SCAPER: variants seen among roughly 807,000 people sequenced by gnomAD.
The protein encoded by SCAPER is S-phase cyclin A associated protein in the ER.
In SCAPER, 98 loss-of-function variants were observed where a neutral mutation model predicts 182.2. The ratio of observed to expected loss-of-function variants is 0.54; its 90% CI spans 0.46 to 0.64. SCAPER has a LOEUF of 0.64. Among genes scored for constraint, SCAPER ranks in the 30% least tolerant of loss-of-function variants. The probability of loss-of-function intolerance (pLI) is 0.00; values close to 1 mark genes in which losing one functional copy is unlikely to be tolerated. For missense variants in SCAPER, 1,432 were observed against 1,690.0 expected, an observed-to-expected ratio of 0.85 and a Z score of 2.68; for synonymous variants, 605 against 564.6, an observed-to-expected ratio of 1.07 and a Z score of -1.01.
intron 17 of SCAPER, among the ~76,000 whole-genome samples, chr15:76,708,465 AG>A (rs1243306070): frequency 6.6e-6 from 1 of 152,090 alleles, no homozygotes; most frequent in African/African-American, 2.4e-5. Flanking sequence ...AGGGTGGGGC[AG>A]GAAAAAAAAA....
At chr15:76,666,834 G>A (rs2056607857) in intron 20 of SCAPER, among the ~76,000 whole-genome samples, 1 of 152,108 alleles carries the variant, frequency 6.6e-6, no homozygotes, top group Non-Finnish European at 1.5e-5. Flanking sequence ...ATCAAACAAT[G>A]TGCATATGTG....
intron 2 of SCAPER, among the ~76,000 whole-genome samples, chr15:76,872,792 T>A (rs2072819967): frequency 6.6e-6 from 1 of 151,736 alleles, no homozygotes; most frequent in South Asian, 2.1e-4. Context: ...ATACAAACTA[T>A]ATGAAAGTAC....
intron 20 of SCAPER, among the ~76,000 whole-genome samples, chr15:76,687,632 T>C (rs959481530): frequency 5.3e-5 from 8 of 152,150 alleles, no homozygotes; most frequent in African/African-American, 1.9e-4. Context: ...GATGTTCCCC[T>C]TCTTGTGTCC....
chr15:76,706,615 G>T (rs183045218), intron 17 of SCAPER, among the ~76,000 whole-genome samples: 7 of 152,214 alleles, frequency 4.6e-5, no homozygotes, highest in Non-Finnish European at 7.4e-5. Flanking sequence ...TTACTCCCTA[G>T]AGGGTCTGAA....
chr15:76,841,181 T>C (rs1349814857), intron 5 of SCAPER, among the ~76,000 whole-genome samples: 2 of 152,106 alleles, frequency 1.3e-5, no homozygotes, highest in Non-Finnish European at 2.9e-5. Context: ...TACCAAATCC[T>C]TCACAGAACC....
At chr15:76,483,957 T>C (rs1046479700) in intron 24 of SCAPER, among the ~76,000 whole-genome samples, 2 of 152,178 alleles carry the variant, frequency 1.3e-5, no homozygotes, top group Non-Finnish European at 2.9e-5. Flanking sequence ...AAGCTAAACA[T>C]AGTCATCATA....
At chr15:76,857,076 T>C (rs928331235) in intron 4 of SCAPER, among the ~76,000 whole-genome samples, 7 of 151,822 alleles carry the variant, frequency 4.6e-5, no homozygotes, top group African/African-American at 7.3e-5. Context: ...AGAAAGAAAA[T>C]CATAAAAGAA....
intron 17 of SCAPER, among the ~76,000 whole-genome samples, chr15:76,708,648 C>G (rs1743351692): frequency 6.6e-6 from 1 of 151,914 alleles, no homozygotes; most frequent in African/African-American, 2.4e-5. Context: ...GAAGCAAAAA[C>G]CAGAAACACA....
At chr15:76,663,701 G>A (rs1172015280) in intron 21 of SCAPER, among the ~76,000 whole-genome samples, 6 of 152,096 alleles carry the variant, frequency 3.9e-5, no homozygotes, top group Non-Finnish European at 8.8e-5. Flanking sequence ...CTCAGGCCAG[G>A]AGTGGTGGGA....
rs1187821295 is a variant in SCAPER, at chr15:76,637,223, A to T, written c.2646-15394T>A. 3.9e-5 allele frequency among the ~76,000 whole-genome samples: 6 copies of T among 152,028 alleles called. 1 individual carries two copies. Among genetic ancestry groups the T allele is most frequent in the African/African-American group, 1.4e-4 (6 of 41,470 alleles). On this transcript the variant is annotated intron_variant, in intron 21 of 31. Coordinates refer to ENST00000563290, the MANE Select transcript of SCAPER (RefSeq NM_020843.4). Reference sequence around the variant, plus strand: ...ACCACTAATCTACTACCTCTATAAAATTTTTGTTTGAATATGTCTTCAATT... The same window carrying T: ...ACCACTAATCTACTACCTCTATAAATTTTTTGTTTGAATATGTCTTCAATT...
chr15:76,812,709 T>G (rs1004860915), intron 5 of SCAPER, among the ~76,000 whole-genome samples: 1 of 151,900 alleles, frequency 6.6e-6, no homozygotes, highest in Non-Finnish European at 1.5e-5. Context: ...AAACAGTATG[T>G]TCCTAGAAAC....
chr15:76,660,120 C>G (rs929682944), intron 21 of SCAPER, among the ~76,000 whole-genome samples: 7 of 152,108 alleles, frequency 4.6e-5, no homozygotes, highest in African/African-American at 1.7e-4. Flanking sequence ...GGTCATTATT[C>G]TAAGCAAACT....
At chr15:76,765,150 T>C (rs1460900821) in intron 13 of SCAPER, 78 bp from the exon 14 acceptor site, 22 of 1,170,224 alleles carry the variant, frequency 1.9e-5, no homozygotes, top group African/African-American at 4.7e-5. Flanking sequence ...TTAGACTTCA[T>C]AGTTCTTAAA....
At chr15:76,430,381 G>A (rs2046782711) in intron 26 of SCAPER, among the ~76,000 whole-genome samples, 1 of 152,204 alleles carries the variant, frequency 6.6e-6, no homozygotes, top group Non-Finnish European at 1.5e-5. Flanking sequence ...CCACGTGCCT[G>A]GAAAAACTGC....
At chr15:76,628,960 T>C (rs1035430685) in intron 21 of SCAPER, among the ~76,000 whole-genome samples, 2 of 152,248 alleles carry the variant, frequency 1.3e-5, no homozygotes, top group Non-Finnish European at 2.9e-5. Context: ...GGCAGTGGTT[T>C]GTAATTCTCC....
chr15:76,473,010 G>C (rs968673365), intron 24 of SCAPER, among the ~76,000 whole-genome samples: 5 of 152,196 alleles, frequency 3.3e-5, no homozygotes, highest in Admixed American at 3.3e-4. Context: ...TTCCAGTGGT[G>C]CCACTGAGAT....
chr15:76,527,572 T>C (rs2043302010), intron 23 of SCAPER, among the ~76,000 whole-genome samples: 3 of 152,224 alleles, frequency 2.0e-5, no homozygotes, highest in Admixed American at 2.0e-4. Context: ...TCAGTAGCAA[T>C]TTTTATTCCA....
At chr15:76,631,087 T>C (rs968069201) in intron 21 of SCAPER, among the ~76,000 whole-genome samples, 2 of 152,226 alleles carry the variant, frequency 1.3e-5, no homozygotes, top group African/African-American at 4.8e-5. Context: ...GTTTAAAGTC[T>C]GTTTTGTCAG....
At chr15:76,803,550 AAAC>A (rs1432749454) in intron 6 of SCAPER, among the ~76,000 whole-genome samples, 1 of 152,224 alleles carries the variant, frequency 6.6e-6, no homozygotes, top group Admixed American at 6.5e-5. Context: ...GGTAATTTAT[AAAC>A]AACAATAAGA....
Sources: allele counts gnomAD v4.1 joint callset (sites outside exome capture counted in the v4.1 genomes callset), GRCh38; gene constraint gnomAD v4.1.1; transcripts MANE v1.5; gene names NCBI Gene and HGNC (gene_info 2026-07-23, HGNC 2026-07-21).